The following ITGA8 variants were observed in gnomAD, a reference collection of about 807,000 sequenced individuals.
ITGA8 encodes integrin alpha-8.
Under a neutral mutation model 142.3 loss-of-function variants are expected in ITGA8, and 91 were observed. That is an observed-to-expected ratio of 0.64 (90% CI 0.54 to 0.76). The LOEUF (loss-of-function observed/expected upper bound fraction) is 0.76. Among genes scored for constraint, ITGA8 ranks in the 30% least tolerant of loss-of-function variants. The pLI, the probability that ITGA8 is intolerant of heterozygous loss-of-function variation, is 0.00. For missense variants in ITGA8, 1,406 were observed against 1,327.7 expected (o/e 1.06, Z -0.92); for synonymous variants, 505 against 485.2 (o/e 1.04, Z -0.54).
At chr10:15,681,480 C>T (rs1034592445) in intron 4 of ITGA8, among the ~76,000 whole-genome samples, 2 of 152,216 alleles carry the variant, frequency 1.3e-5, no homozygotes, top group African/African-American at 4.8e-5. Flanking sequence ...TGTTAGGCTA[C>T]TGTGTCCATG....
At chr10:15,641,479 A>G (rs533512207) in intron 13 of ITGA8, among the ~76,000 whole-genome samples, 5 of 152,298 alleles carry the variant, frequency 3.3e-5, no homozygotes, top group South Asian at 4.1e-4. Context: ...CTTGCTATGA[A>G]GTTAAAAAGG....
At chr10:15,615,278 T>G (rs1353675553) in intron 14 of ITGA8, among the ~76,000 whole-genome samples, 6 of 152,206 alleles carry the variant, frequency 3.9e-5, no homozygotes, top group African/African-American at 1.4e-4. Context: ...GGGTTTTGAC[T>G]GTCTGATTCT....
intron 28 of ITGA8, among the ~76,000 whole-genome samples, chr10:15,520,736 T>C (rs2131531292): frequency 6.6e-6 from 1 of 152,368 alleles, no homozygotes; most frequent in African/African-American, 2.4e-5. Flanking sequence ...TAACGTAGTA[T>C]TCCGGTTTTA....
Position 15,693,710 on chromosome 10 carries a change from G to A in ITGA8, c.344-5672C>T, listed in dbSNP as rs75927115. On this transcript the variant is annotated intron_variant, in intron 2 of 29. Transcript: ENST00000378076. Reference sequence around the variant, plus strand: ...AATTCATTTAATCTTTTGCAGTTTCGATTTCTTCTATAAAATGAGGCTGAG... The same window carrying A: ...AATTCATTTAATCTTTTGCAGTTTCAATTTCTTCTATAAAATGAGGCTGAG... Among the ~76,000 whole-genome samples, 1,178 of 152,156 alleles carry A rather than the reference G, an allele frequency of 7.7e-3. 15 individuals carry two copies. The highest frequency in any genetic ancestry group is 0.027 in the African/African-American group (1,122 of 41,514).
intron 2 of ITGA8, among the ~76,000 whole-genome samples, chr10:15,698,744 C>T (rs1426185492): frequency 6.6e-6 from 1 of 152,120 alleles, no homozygotes; most frequent in Admixed American, 6.6e-5. Flanking sequence ...CCTTAGCCCA[C>T]TTTTTGATGG....
At chr10:15,536,805 G>T (rs1833447845) in intron 27 of ITGA8, among the ~76,000 whole-genome samples, 1 of 152,162 alleles carries the variant, frequency 6.6e-6, no homozygotes, top group Non-Finnish European at 1.5e-5. Context: ...TTGCTTATAG[G>T]CATGGTACCA....
chr10:15,516,985 C>T lies in ITGA8; in HGVS notation c.*173G>A, dbSNP rs1832973245. 1 of 487,670 alleles carries T rather than the reference C, an allele frequency of 2.1e-6. No homozygotes were observed. The allele number at this position is 487,670 out of a possible 1,614,324, so 30.2% of individuals were successfully genotyped here. A position where few individuals can be genotyped will look rare whatever the true frequency, so the allele number is the denominator to read the frequency against. ...CTTTTCCAACAGGGCTCACTGGGCA[C>T]CCAGGACAATTTCTCCAAAGTGCGG... On this transcript the variant is annotated 3_prime_UTR_variant, in exon 30 of 30. Coordinates refer to ENST00000378076, the MANE Select transcript of ITGA8 (RefSeq NM_003638.3).
chr10:15,666,192 A>C (rs920466392), intron 8 of ITGA8, among the ~76,000 whole-genome samples: 129 of 152,052 alleles, frequency 8.5e-4, no homozygotes, highest in South Asian at 3.7e-3. Flanking sequence ...CTTTTATTTC[A>C]TTGAGCAGTG....
At chr10:15,679,466 C>T (rs902978571) in intron 4 of ITGA8, among the ~76,000 whole-genome samples, 1 of 152,032 alleles carries the variant, frequency 6.6e-6, no homozygotes, top group Non-Finnish European at 1.5e-5. Context: ...CCTGCAGGCC[C>T]AGCTACTTGA....
At chr10:15,646,818 A>G (rs1833988446) in intron 12 of ITGA8, 28 bp downstream of exon 12, 3 of 1,580,322 alleles carry the variant, frequency 1.9e-6, no homozygotes, top group Non-Finnish European at 8.7e-7. Context: ...CGACACATAA[A>G]TGACTTCCAC....
At chr10:15,604,618 T>G (rs2131607977) in intron 19 of ITGA8, among the ~76,000 whole-genome samples, 1 of 151,632 alleles carries the variant, frequency 6.6e-6, no homozygotes, top group Admixed American at 6.6e-5. Flanking sequence ...TTTATAGCAT[T>G]TTCAGATTCC....
chr10:15,608,449 T>C (rs780003801), intron 15 of ITGA8, among the ~76,000 whole-genome samples, 159 bp from the exon 16 acceptor site: 29 of 151,928 alleles, frequency 1.9e-4, no homozygotes, highest in Non-Finnish European at 3.5e-4. Context: ...CTTCTACCAA[T>C]TGATCTCAAC....
At chr10:15,689,230 G>A (rs1227155842) in intron 2 of ITGA8, among the ~76,000 whole-genome samples, 1 of 152,190 alleles carries the variant, frequency 6.6e-6, no homozygotes, top group African/African-American at 2.4e-5. Flanking sequence ...CCAGATGGCA[G>A]ACTAGAGGGG....
intron 29 of ITGA8, among the ~76,000 whole-genome samples, 200 bp from the exon 30 acceptor site, chr10:15,517,444 C>G (rs572126723): frequency 6.6e-6 from 1 of 152,236 alleles, no homozygotes; most frequent in South Asian, 2.1e-4. Flanking sequence ...CTGCCTCAGC[C>G]TCCGGAGTAG....
intron 27 of ITGA8, among the ~76,000 whole-genome samples, chr10:15,534,824 G>T (rs7068245): frequency 1.3e-5 from 2 of 152,074 alleles, no homozygotes; most frequent in Non-Finnish European, 2.9e-5. Flanking sequence ...TCACAGCCCT[G>T]GCTCGCTCTC....
chr10:15,542,399 A>G (rs1168453431), intron 27 of ITGA8, among the ~76,000 whole-genome samples: 1 of 152,242 alleles, frequency 6.6e-6, no homozygotes, highest in Admixed American at 6.5e-5. Context: ...TCAAATTGAA[A>G]TACTTTAAAT....
intron 25 of ITGA8, among the ~76,000 whole-genome samples, chr10:15,570,483 G>T (rs970285828): frequency 3.9e-5 from 6 of 151,924 alleles, no homozygotes; most frequent in African/African-American, 1.2e-4. Context: ...GGTGGTACAC[G>T]CCTGTAATCC....
At chr10:15,660,796 A>C (rs1834270352) in intron 9 of ITGA8, 83 bp downstream of exon 9, 1 of 1,103,204 alleles carries the variant, frequency 9.1e-7, no homozygotes, top group Non-Finnish European at 1.4e-6. Flanking sequence ...TCAATTTATG[A>C]TGGGTTTATT....
chr10:15,616,496 A>G lies in ITGA8; in HGVS notation c.1445+18T>C, dbSNP rs1833393747. 13 of 1,585,850 alleles carry G rather than the reference A, an allele frequency of 8.2e-6. No homozygotes were observed. The highest frequency in any genetic ancestry group is 8.7e-6 in the Non-Finnish European group (10 of 1,155,606). On this transcript the variant is annotated intron_variant, in intron 14 of 29. Transcript: ENST00000378076. Reference sequence around the variant, plus strand: ...TTGAAACAATGAGAAAAACATTTGAATACTACCAACCACATACCTGTAAAC... The same window carrying G: ...TTGAAACAATGAGAAAAACATTTGAGTACTACCAACCACATACCTGTAAAC...
Sources: gnomAD v4.1 joint callset for allele counts (sites outside exome capture counted in the v4.1 genomes callset) on GRCh38, gnomAD v4.1.1 for gene constraint, MANE v1.5 for transcripts, NCBI Gene and HGNC (gene_info 2026-07-23, HGNC 2026-07-21) for gene names.